The following CERS3 variants were observed in gnomAD, a reference collection of about 807,000 sequenced individuals.
CERS3 encodes ceramide synthase 3, also known as LAG1 homolog, ceramide synthase 3.
A neutral mutation model predicts 50.3 loss-of-function variants in CERS3; 33 were observed. The ratio of observed to expected loss-of-function variants is 0.66; its 90% CI spans 0.50 to 0.88. CERS3 has a LOEUF of 0.88. Among genes scored for constraint, CERS3 ranks in the 40% least tolerant of loss-of-function variants. CERS3 has a pLI of 0.00. For synonymous variants in CERS3, 176 were observed against 155.2 expected (o/e 1.13, Z -0.99); for missense variants, 470 against 460.3 (o/e 1.02, Z -0.19).
At chr15:100,498,889 G>A (rs1503477) in intron 3 of CERS3, among the ~76,000 whole-genome samples, 2,842 of 152,230 alleles carry the variant, frequency 0.019, 87 homozygotes, top group African/African-American at 0.065. Context: ...GCTTTGTTGT[G>A]TTTTTTGTTT....
At chr15:100,436,724 T>C (rs1042962496) in intron 11 of CERS3, among the ~76,000 whole-genome samples, 8 of 152,108 alleles carry the variant, frequency 5.3e-5, no homozygotes, top group Non-Finnish European at 1.0e-4. Context: ...ATCATAGTGA[T>C]AGGACACCAG....
chr15:100,485,724 C>T (rs1320333936), intron 4 of CERS3, among the ~76,000 whole-genome samples: 5 of 151,892 alleles, frequency 3.3e-5, no homozygotes, highest in African/African-American at 1.2e-4. Flanking sequence ...ATTAGCTGGG[C>T]GTGGTGGTGG....
In CERS3 at chr15:100,418,101, GAGA is replaced by G. The variant is rs546783411; in HGVS notation, c.1000-15239_1000-15237del. Among the ~76,000 whole-genome samples the G allele has an allele frequency of 3.8e-3, 582 of 152,128 alleles. 3 individuals carry two copies. The highest frequency in any genetic ancestry group is 0.012 in the African/African-American group (509 of 41,446). On this transcript the variant is annotated intron_variant, in intron 11 of 11. Coordinates refer to ENST00000679737, the MANE Select transcript of CERS3 (RefSeq NM_001378789.1). ...ATGGAGAATGACTTTGACGAGCTGA[GAGA>G]AGAAGGCTTCAGACGATCAAATTAC...
intron 11 of CERS3, among the ~76,000 whole-genome samples, chr15:100,413,773 G>GA (rs56131548): frequency 0.73 from 100,607 of 137,168 alleles, 37,180 homozygotes; most frequent in Middle Eastern, 0.82. Context: ...AGAAATACAA[G>GA]AAAAAAAAAA....
In CERS3 at chr15:100,497,258, T is replaced by G. The variant is rs150242654; in HGVS notation, c.173+4419A>C. Among the ~76,000 whole-genome samples the G allele has an allele frequency of 3.1e-3, 475 of 151,532 alleles. 1 individual carries two copies. The highest frequency in any genetic ancestry group is 9.2e-3 in the African/African-American group (378 of 41,288). ...GATTGCTCTTATATAGACATATATA[T>G]AGAGAGAGAGACAGAGAGACACACA... is the stretch of plus-strand genomic sequence containing the variant. On this transcript the variant is annotated intron_variant, in intron 3 of 11. Transcript: ENST00000679737.
chr15:100,454,889 A>ATG (rs2034307970), intron 11 of CERS3, among the ~76,000 whole-genome samples: 1 of 152,082 alleles, frequency 6.6e-6, no homozygotes, highest in Admixed American at 6.6e-5. Context: ...AACAACAACA[A>ATG]ATAATAATGA....
At chr15:100,499,331 G>A (rs2035929341) in intron 3 of CERS3, among the ~76,000 whole-genome samples, 1 of 152,060 alleles carries the variant, frequency 6.6e-6, no homozygotes, top group Admixed American at 6.6e-5. Flanking sequence ...GAAACTAGTA[G>A]TCTGGACAAA....
intron 2 of CERS3, among the ~76,000 whole-genome samples, chr15:100,505,319 G>T (rs2036145663): frequency 1.3e-5 from 2 of 152,264 alleles, no homozygotes; most frequent in Admixed American, 6.5e-5. Flanking sequence ...GTTTATCATG[G>T]TTATGTAGGG....
intron 10 of CERS3, among the ~76,000 whole-genome samples, chr15:100,460,753 C>G (rs1056347114): frequency 1.3e-5 from 2 of 152,216 alleles, no homozygotes; most frequent in African/African-American, 2.4e-5. Flanking sequence ...ACTAGGTCCC[C>G]TATTGGGAAT....
At chr15:100,440,762 G>A (rs924246518) in intron 11 of CERS3, among the ~76,000 whole-genome samples, 2 of 152,174 alleles carry the variant, frequency 1.3e-5, no homozygotes, top group Non-Finnish European at 2.9e-5. Flanking sequence ...TCCGGTAAGC[G>A]GCCTCTTTTT....
In CERS3 at chr15:100,494,231, ATATATATATATATATATATATATATATT is replaced by A. The variant is rs1042035255; in HGVS notation, c.174-3328_174-3301del. Among the ~76,000 whole-genome samples the A allele has an allele frequency of 7.2e-4, 22 of 30,708 alleles. 1 individual carries two copies. Among genetic ancestry groups the A allele is most frequent in the Admixed American group, 2.2e-3 (5 of 2,228 alleles). 20.1% of individuals were successfully genotyped at this position (30,708 alleles called of 152,430 possible). A position where few individuals can be genotyped will look rare whatever the true frequency, so the allele number is the denominator to read the frequency against. On this transcript the variant is annotated intron_variant, in intron 3 of 11. Transcript: ENST00000679737. ...TTTTCATATATATATATATATATATATATATATATATATATATATATATATATTTGTTTTGAGATGGAGTCTTGCACTG... is the reference window on the plus strand; with the variant it reads ...TTTTCATATATATATATATATATATATGTTTTGAGATGGAGTCTTGCACTG...
intron 11 of CERS3, among the ~76,000 whole-genome samples, chr15:100,412,214 C>T (rs551642234): frequency 2.3e-4 from 35 of 152,098 alleles, no homozygotes; most frequent in Non-Finnish European, 4.6e-4. Context: ...AGTTTTAGGT[C>T]TTTGCTTGAA....
At chr15:100,534,609 G>A (rs528776563) in intron 1 of CERS3, among the ~76,000 whole-genome samples, 4 of 151,360 alleles carry the variant, frequency 2.6e-5, no homozygotes, top group South Asian at 2.1e-4. Flanking sequence ...TGCTCACTGC[G>A]ATAAATGCAC....
At chr15:100,488,782 G>T (rs1277944538) in intron 4 of CERS3, among the ~76,000 whole-genome samples, 6 of 145,012 alleles carry the variant, frequency 4.1e-5, no homozygotes, top group East Asian at 2.0e-4. Context: ...ATATATAACT[G>T]TTTTTTTTTT....
At chr15:100,450,842 C>G (rs970947737) in intron 11 of CERS3, among the ~76,000 whole-genome samples, 1 of 152,032 alleles carries the variant, frequency 6.6e-6, no homozygotes, top group South Asian at 2.1e-4. Context: ...GAACCATCAT[C>G]GGACTAACAA....
upstream of CERS3, among the ~76,000 whole-genome samples, chr15:100,531,958 G>C (rs1165467813): frequency 6.6e-6 from 1 of 152,126 alleles, no homozygotes; most frequent in East Asian, 1.9e-4. Flanking sequence ...TTACAAAGCG[G>C]GTACCGGGTG....
chr15:100,427,050 C>CGG (rs1445719861), intron 11 of CERS3, among the ~76,000 whole-genome samples: 1 of 152,182 alleles, frequency 6.6e-6, no homozygotes, highest in African/African-American at 2.4e-5. Flanking sequence ...TGAGCTGACA[C>CGG]GGGTTGGCAA....
intron 10 of CERS3, among the ~76,000 whole-genome samples, chr15:100,459,471 T>C (rs2034482885): frequency 6.6e-6 from 1 of 152,174 alleles, no homozygotes; most frequent in Admixed American, 6.5e-5. Flanking sequence ...AATTTTTGTA[T>C]TTTGTTTTTT....
intron 1 of CERS3, among the ~76,000 whole-genome samples, chr15:100,534,279 G>A (rs956276633): frequency 6.6e-6 from 1 of 152,034 alleles, no homozygotes; most frequent in African/African-American, 2.4e-5. Context: ...CTTTTTAGCT[G>A]TGTGACTCCA....
Sources: gnomAD v4.1 joint callset for allele counts (sites outside exome capture counted in the v4.1 genomes callset) on GRCh38, gnomAD v4.1.1 for gene constraint, MANE v1.5 for transcripts, NCBI Gene and HGNC (gene_info 2026-07-23, HGNC 2026-07-21) for gene names.